The following NABP2 variants were observed in gnomAD, a reference collection of about 807,000 sequenced individuals.
NABP2 encodes SOSS complex subunit B1.
In NABP2, 7 loss-of-function variants were observed where a neutral mutation model predicts 22.7. That is an observed-to-expected ratio of 0.31 (90% CI 0.18 to 0.58). NABP2 has a LOEUF of 0.58. Among genes scored for constraint, NABP2 ranks in the 20% least tolerant of loss-of-function variants. The pLI, the probability that NABP2 is intolerant of heterozygous loss-of-function variation, is 0.89. For missense variants in NABP2, 188 were observed against 265.9 expected (o/e 0.71, Z 2.04); for synonymous variants, 107 against 99.2 (o/e 1.08, Z -0.47).
chr12:56,226,532 T>A, intron 6 of NABP2, 113 bp downstream of exon 6: 3 of 648,704 alleles, frequency 4.6e-6, no homozygotes, highest in Non-Finnish European at 2.7e-6. Flanking sequence ...CAGTGTATCC[T>A]CCTTCACCCA....
chr12:56,225,566 G>T (rs543908081), intron 3 of NABP2, 55 bp downstream of exon 3: 3 of 1,614,132 alleles, frequency 1.9e-6, no homozygotes, highest in Non-Finnish European at 8.5e-7. Context: ...CAAGAGTGGG[G>T]TTAACAGTCC....
chr12:56,224,262 A>C (rs971212186), upstream of NABP2: 16 of 902,396 alleles, frequency 1.8e-5, no homozygotes, highest in Non-Finnish European at 2.1e-5. Flanking sequence ...TGGGCAGGGC[A>C]GGCGGCGGGA....
chr12:56,225,834 C>A, intron 4 of NABP2, 139 bp downstream of exon 4: 1 of 995,716 alleles, frequency 1.0e-6, no homozygotes, highest in South Asian at 1.5e-5. Flanking sequence ...GAAACAGTCT[C>A]TGTCGCTCAG....
chr12:56,223,909 C>T (rs1415431086), upstream of NABP2, among the ~76,000 whole-genome samples: 1 of 152,194 alleles, frequency 6.6e-6, no homozygotes, highest in South Asian at 2.1e-4. Context: ...CCAGCCTATG[C>T]CTCCCTACGT....
Position 56,225,634 on chromosome 12 carries a change from G to A in NABP2, c.229G>A (p.Val77Ile), listed in dbSNP as rs752456837. Residue 77 changes from valine to isoleucine, a missense_variant, in exon 4 of 7, where the codon GTT becomes ATT. Transcript: ENST00000267023. Reference protein sequence around the residue: ...IIRLTKGYASVFKGCLTLYTG... With the variant: ...IIRLTKGYASIFKGCLTLYTG... ...TTTTGCCTCCCATAGGTACGCTTCAGTTTTCAAAGGTTGTCTGACACTATA... is the reference window on the plus strand; with the variant it reads ...TTTTGCCTCCCATAGGTACGCTTCAATTTTCAAAGGTTGTCTGACACTATA... The A allele has an allele frequency of 1.4e-5, 23 of 1,614,136 alleles. No individual in the cohort carries two copies. The South Asian group carries it at 2.5e-4, about 18-fold the overall frequency.
Position 56,229,112 on chromosome 12 carries a change from A to G in NABP2, c.535A>G (p.Ile179Val). 1.4e-6 allele frequency: 1 copy of G among 732,328 alleles called. No individual in the cohort carries two copies. Among genetic ancestry groups the G allele is most frequent in the Non-Finnish European group, 2.2e-6 (1 of 456,046 alleles). The allele number at this position is 732,328 out of a possible 1,614,324, so 45.4% of individuals were successfully genotyped here. Residue 179 changes from isoleucine (I) to valine (V), a missense_variant, in exon 7 of 7, where the codon ATC (isoleucine) becomes GTC (valine). By Grantham distance (29) the Ile-to-Val change is conservative (BLOSUM62 3). Transcript: ENST00000267023. ...TCCCTCCCACCCACCCAGCACCCGA[A>G]TCACTCGAAGCCAGCCCAACCACAC... is the stretch of plus-strand genomic sequence containing the variant. ...HTPSHPPSTR[I>V]TRSQPNHTPA...
rs1168382821 is a variant in NABP2, at chr12:56,224,391, C to T, written c.-74C>T. On this transcript the variant is annotated 5_prime_UTR_variant, in exon 1 of 7. Transcript: ENST00000267023. ...CATCCGGCGGCAGCGGAGCCTGTGG[C>T]TCCCCCTGCGGGCTGCTCAGCGGCG... The T allele has an allele frequency of 1.0e-6, 1 of 990,896 alleles. No individual in the cohort carries two copies. Among genetic ancestry groups the T allele is most frequent in the Non-Finnish European group, 1.2e-6 (1 of 832,002 alleles). 61.4% of individuals were successfully genotyped at this position (990,896 alleles called of 1,614,324 possible). A position where few individuals can be genotyped will look rare whatever the true frequency, so the allele number is the denominator to read the frequency against.
intron 4 of NABP2, 141 bp downstream of exon 4, chr12:56,225,836 G>T (rs1869736165): frequency 2.0e-6 from 2 of 986,858 alleles, no homozygotes; most frequent in African/African-American, 3.2e-5. Context: ...AACAGTCTCT[G>T]TCGCTCAGGC....
chr12:56,225,617 C>T lies in NABP2; in HGVS notation c.219-7C>T. Reference sequence around the variant, plus strand: ...GTACTGAATTTTGCTTTTTTTGCCTCCCATAGGTACGCTTCAGTTTTCAAA... The same window carrying T: ...GTACTGAATTTTGCTTTTTTTGCCTTCCATAGGTACGCTTCAGTTTTCAAA... On this transcript the variant is annotated splice_polypyrimidine_tract_variant and splice_region_variant and intron_variant, in intron 3 of 6. Transcript: ENST00000267023. 1 of 1,614,038 alleles carries T rather than the reference C, an allele frequency of 6.2e-7. No individual in the cohort carries two copies. The highest frequency in any genetic ancestry group is 8.5e-7 in the Non-Finnish European group (1 of 1,180,000).
In NABP2 at chr12:56,224,936, G is replaced by A. The variant is rs1332713185; in HGVS notation, c.79+1G>A. ...CTTATCTTCATTGTGCTGGAGACAG[G>A]TGTCTATACTGGGGTGGCGGGTTCG... is the stretch of plus-strand genomic sequence containing the variant. On this transcript the variant is annotated splice_donor_variant, in intron 2 of 6. Coordinates refer to ENST00000267023, the MANE Select transcript of NABP2 (RefSeq NM_024068.4). LOFTEE classifies it high-confidence loss of function. 2.5e-6 allele frequency: 4 copies of A among 1,604,076 alleles called. No individual in the cohort carries two copies. Among genetic ancestry groups the A allele is most frequent in the Non-Finnish European group, 3.4e-6 (4 of 1,172,582 alleles).
upstream of NABP2, chr12:56,224,334 G>A: frequency 1.0e-6 from 1 of 987,456 alleles, no homozygotes; most frequent in Non-Finnish European, 1.2e-6. Flanking sequence ...AAACTTCCGG[G>A]AATGTCCGCA....
At chr12:56,227,122 C>A (rs1715129228) in intron 6 of NABP2, among the ~76,000 whole-genome samples, 1 of 151,452 alleles carries the variant, frequency 6.6e-6, no homozygotes, top group Non-Finnish European at 1.5e-5. Context: ...TGCCTATAAT[C>A]TCAGCACTTT....
intron 6 of NABP2, 67 bp downstream of exon 6, chr12:56,226,486 C>A: frequency 7.4e-7 from 1 of 1,351,818 alleles, no homozygotes; most frequent in Non-Finnish European, 1.1e-6. Flanking sequence ...TAGAAAGATG[C>A]ATTTCCCTCA....
chr12:56,222,921 G>C (rs1869564126), upstream of NABP2, among the ~76,000 whole-genome samples: 1 of 152,114 alleles, frequency 6.6e-6, no homozygotes, highest in Non-Finnish European at 1.5e-5. Context: ...GTCTTCTAGC[G>C]GGACTCTGAG....
rs1048423620 is a variant in NABP2, at chr12:56,224,558, T to C, written c.-24+117T>C. On this transcript the variant is annotated intron_variant, in intron 1 of 6. Transcript: ENST00000267023. ...CTCCCTGGCTGTGCACCGGGTTCCCTACCCCTGTCTACGTCGGCTCCGCCA... is the reference window on the plus strand; with the variant it reads ...CTCCCTGGCTGTGCACCGGGTTCCCCACCCCTGTCTACGTCGGCTCCGCCA... 21 of 1,217,528 alleles carry C rather than the reference T, an allele frequency of 1.7e-5. No homozygotes were observed. In the African/African-American group the frequency reaches 2.6e-4, roughly 15 times the overall value. 75.4% of individuals were successfully genotyped at this position (1,217,528 alleles called of 1,614,324 possible).
upstream of NABP2, among the ~76,000 whole-genome samples, chr12:56,223,433 G>A (rs1389368313): frequency 1.3e-5 from 2 of 151,634 alleles, no homozygotes; most frequent in South Asian, 2.1e-4. Context: ...GTGGTAGTGC[G>A]AACCTGTAGT....
At chr12:56,222,244 GC>G (rs2135824453), upstream of NABP2, 1 of 152,390 alleles carries the variant, frequency 6.6e-6, no homozygotes, top group East Asian at 1.9e-4. Flanking sequence ...CGAGATCATT[GC>G]GGAGAGGCAG....
At chr12:56,228,824 C>T (rs948163919) in intron 6 of NABP2, among the ~76,000 whole-genome samples, 190 bp from the exon 7 acceptor site, 1 of 152,136 alleles carries the variant, frequency 6.6e-6, no homozygotes, top group Non-Finnish European at 1.5e-5. Context: ...CCTAAATGAT[C>T]GTGTAAGTCT....
chr12:56,222,750 AT>A (rs1869554738), upstream of NABP2, among the ~76,000 whole-genome samples: 1 of 152,244 alleles, frequency 6.6e-6, no homozygotes, highest in South Asian at 2.1e-4. Context: ...TATGGTATTT[AT>A]TGTGGACATT....
Sources: gnomAD v4.1 joint callset for allele counts (sites outside exome capture counted in the v4.1 genomes callset) on GRCh38, gnomAD v4.1.1 for gene constraint, MANE v1.5 for transcripts, NCBI Gene and HGNC (gene_info 2026-07-23, HGNC 2026-07-21) for gene names.